Variants in SCAPER observed in about 807,000 individuals in gnomAD.
SCAPER encodes the protein S-phase cyclin A associated protein in the ER.
In SCAPER, 98 loss-of-function variants were observed where a neutral mutation model predicts 182.2. The observed-to-expected ratio is 0.54, with a 90% CI of 0.46 to 0.64. The LOEUF is 0.64. Ranked by LOEUF, SCAPER falls within the 30% of genes least tolerant of loss-of-function variation. The probability of loss-of-function intolerance (pLI) is 0.00; values close to 1 mark genes in which losing one functional copy is unlikely to be tolerated. For missense variants in SCAPER, 1,432 were observed against 1,690.0 expected, an observed-to-expected ratio of 0.85 and a Z score of 2.68; for synonymous variants, 605 against 564.6, an observed-to-expected ratio of 1.07 and a Z score of -1.01.
Position 76,619,304 on chromosome 15 carries a change from C to G in SCAPER, c.2711+2460G>C, listed in dbSNP as rs187574627. ...TTATTCTTTATTACTAAGTAATACC[C>G]CATTGTATGAACCTATACATTCATC... is the stretch of plus-strand genomic sequence containing the variant. On this transcript the variant is annotated intron_variant, in intron 22 of 31. Transcript: ENST00000563290. 9.1e-3 allele frequency among the ~76,000 whole-genome samples: 1,381 copies of G among 152,190 alleles called. 22 individuals are homozygous for G. The highest frequency in any genetic ancestry group is 0.032 in the African/African-American group (1,341 of 41,536).
chr15:76,734,673 C>T (rs2061137223), intron 15 of SCAPER, among the ~76,000 whole-genome samples: 1 of 151,900 alleles, frequency 6.6e-6, no homozygotes, highest in Admixed American at 6.6e-5. Flanking sequence ...GTCAGGAGTG[C>T]AAGCTAGCCT....
chr15:76,646,278 C>A (rs1384393942), intron 21 of SCAPER, among the ~76,000 whole-genome samples: 1 of 152,044 alleles, frequency 6.6e-6, no homozygotes, highest in African/African-American at 2.4e-5. Flanking sequence ...ACACGCACCC[C>A]CCATCCTCTC....
At chr15:76,672,799 A>T (rs1455513953) in intron 20 of SCAPER, among the ~76,000 whole-genome samples, 1 of 152,108 alleles carries the variant, frequency 6.6e-6, no homozygotes, top group East Asian at 1.9e-4. Flanking sequence ...AACTTTCAAG[A>T]ATATAAAAAG....
chr15:76,695,364 G>A (rs1174834105), intron 20 of SCAPER, among the ~76,000 whole-genome samples: 2 of 152,110 alleles, frequency 1.3e-5, no homozygotes, highest in South Asian at 4.1e-4. Context: ...GGGAGGCCAA[G>A]GCAGGTAGAT....
At chr15:76,684,575 A>G (rs1349047684) in intron 20 of SCAPER, among the ~76,000 whole-genome samples, 1 of 152,016 alleles carries the variant, frequency 6.6e-6, no homozygotes, top group African/African-American at 2.4e-5. Context: ...ATACTCAAAC[A>G]GTATTATGAC....
At chr15:76,404,464 G>A in intron 27 of SCAPER, 60 bp downstream of exon 27, 2 of 1,512,548 alleles carry the variant, frequency 1.3e-6, no homozygotes. Context: ...CCTAGAATGG[G>A]CAAAATTCAA....
At chr15:76,878,875 A>G (rs2073355051) in intron 2 of SCAPER, among the ~76,000 whole-genome samples, 2 of 152,336 alleles carry the variant, frequency 1.3e-5, no homozygotes, top group Middle Eastern at 3.4e-3. Context: ...TAGGCACTTC[A>G]CAAATGATAT....
rs28472923 is a variant in SCAPER at position 76,348,573 on chromosome 15, T to C, written c.*60A>G. On this transcript the variant is annotated 3_prime_UTR_variant, in exon 32 of 32. Coordinates refer to ENST00000563290, the MANE Select transcript of SCAPER (RefSeq NM_020843.4). Reference sequence around the variant, plus strand: ...GAGTTCTTAAGGAACAATTAGAATGTTTGTTTGGACAATTTAAAATATTAA... The same window carrying C: ...GAGTTCTTAAGGAACAATTAGAATGCTTGTTTGGACAATTTAAAATATTAA... The C allele has an allele frequency of 8.5e-7, 1 of 1,174,504 alleles. No homozygotes were observed. Among genetic ancestry groups the C allele is most frequent in the Non-Finnish European group, 1.2e-6 (1 of 827,530 alleles). The allele number at this position is 1,174,504 out of a possible 1,614,324, so 72.8% of individuals were successfully genotyped here.
chr15:76,687,060 A>G (rs963754174), intron 20 of SCAPER, among the ~76,000 whole-genome samples: 5 of 152,108 alleles, frequency 3.3e-5, no homozygotes, highest in African/African-American at 7.2e-5. Context: ...TAAAAGAGAT[A>G]TAAAAAGTTA....
intron 21 of SCAPER, among the ~76,000 whole-genome samples, chr15:76,637,403 T>C (rs1436705997): frequency 6.6e-6 from 1 of 152,094 alleles, no homozygotes; most frequent in Non-Finnish European, 1.5e-5. Context: ...TACATTCTTG[T>C]TACCGTCTTT....
intron 23 of SCAPER, among the ~76,000 whole-genome samples, chr15:76,568,903 T>C (rs2047238507): frequency 6.6e-6 from 1 of 151,978 alleles, no homozygotes. Context: ...ATAAATATAA[T>C]TGATTTTTAT....
At position 76,379,281 on chromosome 15, in the gene SCAPER, G is replaced by A. The variant is rs2042779013; in HGVS notation, c.3705+2097C>T. Among the ~76,000 whole-genome samples, 3 of 151,926 alleles carry A rather than the reference G, an allele frequency of 2.0e-5. 1 individual carries two copies. The East Asian group carries it at 5.8e-4, about 29-fold the overall frequency. On this transcript the variant is annotated intron_variant, in intron 28 of 31. Coordinates refer to ENST00000563290, the MANE Select transcript of SCAPER (RefSeq NM_020843.4). ...CAAGACTGATAAGAGAGGAGAGACA[G>A]GAGAGAGACACAAAAGAAGAAAAAA...
chr15:76,612,472 C>T (rs2051091014), intron 22 of SCAPER, among the ~76,000 whole-genome samples: 1 of 152,106 alleles, frequency 6.6e-6, no homozygotes, highest in African/African-American at 2.4e-5. Flanking sequence ...CTGAACTCAA[C>T]CAATCCGCCT....
At chr15:76,393,655 A>G (rs116702473) in intron 27 of SCAPER, among the ~76,000 whole-genome samples, 1 of 152,250 alleles carries the variant, frequency 6.6e-6, no homozygotes, top group African/African-American at 2.4e-5. Context: ...GGCAAAGTCT[A>G]TTTCTCCTTT....
At chr15:76,509,023 T>A (rs991792218) in intron 23 of SCAPER, among the ~76,000 whole-genome samples, 8 of 152,136 alleles carry the variant, frequency 5.3e-5, no homozygotes, top group Non-Finnish European at 7.4e-5. Context: ...ACATCTCAAG[T>A]GTAGGGAAAA....
At chr15:76,424,671 T>C (rs1184983915) in intron 26 of SCAPER, among the ~76,000 whole-genome samples, 1 of 152,216 alleles carries the variant, frequency 6.6e-6, no homozygotes, top group Non-Finnish European at 1.5e-5. Flanking sequence ...TGATGTTAGC[T>C]GGTTATTTTG....
intron 22 of SCAPER, among the ~76,000 whole-genome samples, chr15:76,590,007 T>C (rs2048986205): frequency 6.6e-6 from 1 of 152,208 alleles, no homozygotes; most frequent in Non-Finnish European, 1.5e-5. Flanking sequence ...ACTTTCACAA[T>C]TTGGGCACTC....
In SCAPER at chr15:76,665,683, G is replaced by T; in HGVS notation, c.2615C>A (p.Ala872Asp). The change falls in exon 21 of 32, where the codon GCC becomes GAC. Residue 872 changes from alanine to aspartate, a missense_variant. Physicochemically the swap from Ala to Asp is moderately radical, Grantham distance 126. Coordinates refer to ENST00000563290, the MANE Select transcript of SCAPER (RefSeq NM_020843.4). The part of the protein sequence containing the change: ...GEERQKNKKK[A>D]KKIKARMNFR... ...GTTCATCCGGGCTTTTATCTTTTTG[G>T]CTTTTTTTTTATTTTTTTGCCGCTC... The T allele has an allele frequency of 6.3e-7, 1 of 1,590,702 alleles. No individual in the cohort carries two copies. Among genetic ancestry groups the T allele is most frequent in the Non-Finnish European group, 8.5e-7 (1 of 1,169,728 alleles).
chr15:76,899,691 G>A (rs1200093265), intron 1 of SCAPER, among the ~76,000 whole-genome samples: 5 of 151,706 alleles, frequency 3.3e-5, no homozygotes, highest in African/African-American at 4.8e-5. Context: ...ACCTCTGCCC[G>A]GCCGCCACCC....
Sources: gnomAD v4.1 joint callset for allele counts (sites outside exome capture counted in the v4.1 genomes callset) on GRCh38, gnomAD v4.1.1 for gene constraint, MANE v1.5 for transcripts, NCBI Gene and HGNC (gene_info 2026-07-23, HGNC 2026-07-21) for gene names.